Variants in PAPSS1 observed in about 807,000 individuals in gnomAD.
PAPSS1 encodes 3'-phosphoadenosine 5'-phosphosulfate synthase 1, also known as bifunctional 3'-phosphoadenosine 5'-phosphosulfate synthase 1.
A neutral mutation model predicts 72.0 loss-of-function variants in PAPSS1; 50 were observed. The observed-to-expected ratio is 0.69, with a 90% CI of 0.55 to 0.88. PAPSS1 has a LOEUF of 0.88. Among genes scored for constraint, PAPSS1 ranks in the 40% least tolerant of loss-of-function variants. The pLI is 0.00. For missense variants in PAPSS1, 657 were observed against 782.2 expected (o/e 0.84, Z 1.91); for synonymous variants, 261 against 263.6 (o/e 0.99, Z 0.09).
chr4:107,686,906 A>G (rs2110339324), intron 4 of PAPSS1, 133 bp downstream of exon 4: 1 of 828,198 alleles, frequency 1.2e-6, no homozygotes, highest in South Asian at 1.7e-5. Context: ...AGAACAGTGT[A>G]ATAAGACTAC....
chr4:107,675,357 C>G (rs543148662), intron 5 of PAPSS1, among the ~76,000 whole-genome samples: 1 of 152,096 alleles, frequency 6.6e-6, no homozygotes, highest in Non-Finnish European at 1.5e-5. Flanking sequence ...GGGGATATCA[C>G]CCCCGATCCC....
Position 107,720,195 on chromosome 4 carries a change from T to G in PAPSS1, c.-16A>C. The G allele has an allele frequency of 6.3e-7, 1 of 1,598,250 alleles. No homozygotes were observed. The highest frequency in any genetic ancestry group is 1.7e-4 in the Middle Eastern group (1 of 6,012). ...GGATCTCCATGACCGCGGAGCGCGC[T>G]GAGCAGCCGGGGTTCTCTGCGCCGG... is the stretch of plus-strand genomic sequence containing the variant. On this transcript the variant is annotated 5_prime_UTR_variant, in exon 1 of 12. Coordinates refer to ENST00000265174, the MANE Select transcript of PAPSS1 (RefSeq NM_005443.5).
At chr4:107,675,175 A>G (rs1465233065) in intron 5 of PAPSS1, among the ~76,000 whole-genome samples, 1 of 152,194 alleles carries the variant, frequency 6.6e-6, no homozygotes, top group African/African-American at 2.4e-5. Flanking sequence ...ACAAGAAATA[A>G]CTAAGATCAG....
chr4:107,713,048 G>A (rs1321412392), intron 1 of PAPSS1, among the ~76,000 whole-genome samples: 1 of 151,724 alleles, frequency 6.6e-6, no homozygotes, highest in African/African-American at 2.4e-5. Context: ...TCTGGTTCAA[G>A]CGATTCTCCT....
At chr4:107,629,609 G>A (rs1211455945) in intron 11 of PAPSS1, among the ~76,000 whole-genome samples, 2 of 152,150 alleles carry the variant, frequency 1.3e-5, no homozygotes, top group African/African-American at 4.8e-5. Flanking sequence ...AGAACTGAGG[G>A]AGGAGATCAA....
intron 5 of PAPSS1, among the ~76,000 whole-genome samples, chr4:107,666,581 T>C (rs1179005047): frequency 6.6e-6 from 1 of 152,192 alleles, no homozygotes; most frequent in Non-Finnish European, 1.5e-5. Flanking sequence ...AAAGTACCCA[T>C]GGTAACCAAA....
chr4:107,692,684 G>C (rs1009615019), intron 3 of PAPSS1, among the ~76,000 whole-genome samples: 5 of 152,100 alleles, frequency 3.3e-5, no homozygotes, highest in Non-Finnish European at 7.4e-5. Context: ...ATACATGCAT[G>C]AGTATGTTCA....
At position 107,631,954 on chromosome 4, in the gene PAPSS1, A is replaced by T. The variant is rs953666754; in HGVS notation, c.1507-94T>A. On this transcript the variant is annotated intron_variant, in intron 10 of 11. Transcript: ENST00000265174. ...AATAAATGCATATGCTTTTTATAAAATCATTATCGGTAGGAAATCTCAACA... is the reference window on the plus strand; with the variant it reads ...AATAAATGCATATGCTTTTTATAAATTCATTATCGGTAGGAAATCTCAACA... 3.9e-6 allele frequency: 3 copies of T among 767,430 alleles called. No individual in the cohort carries two copies. In the African/African-American group the frequency reaches 5.3e-5, roughly 13 times the overall value. The allele number at this position is 767,430 out of a possible 1,614,324, so 47.5% of individuals were successfully genotyped here.
At position 107,669,207 on chromosome 4, in the gene PAPSS1, T is replaced by C. The variant is rs1260866529; in HGVS notation, c.670-9135A>G. ...CACATTATAGCAAGTCACTTTGCAA[T>C]GAAGTACAGTGGGCAAATGCACAAC... On this transcript the variant is annotated intron_variant, in intron 5 of 11. Transcript: ENST00000265174. Among the ~76,000 whole-genome samples the C allele has an allele frequency of 3.9e-5, 6 of 152,214 alleles. No homozygotes were observed. In the East Asian group the frequency reaches 1.2e-3, roughly 29 times the overall value.
chr4:107,672,919 G>A (rs1213836341), intron 5 of PAPSS1, among the ~76,000 whole-genome samples: 1 of 152,190 alleles, frequency 6.6e-6, no homozygotes, highest in Non-Finnish European at 1.5e-5. Context: ...CCGCTGTTCT[G>A]CAGCCTCCGC....
At position 107,614,390 on chromosome 4, in the gene PAPSS1, A is replaced by G; in HGVS notation, c.1737-3T>C. On this transcript the variant is annotated splice_region_variant and splice_polypyrimidine_tract_variant and intron_variant, in intron 11 of 11. Coordinates refer to ENST00000265174, the MANE Select transcript of PAPSS1 (RefSeq NM_005443.5). ...AAATAAATTCAAAGTCTTCATGGCT[A>G]AAGGAGAGGAAAAAAAGAAAATTAT... 6.3e-7 allele frequency: 1 copy of G among 1,590,946 alleles called. No individual in the cohort carries two copies. The highest frequency in any genetic ancestry group is 8.5e-7 in the Non-Finnish European group (1 of 1,172,166).
chr4:107,626,071 G>A (rs943720971), intron 11 of PAPSS1, among the ~76,000 whole-genome samples: 8 of 151,484 alleles, frequency 5.3e-5, no homozygotes, highest in Middle Eastern at 3.2e-3. Context: ...CCAGCTACTC[G>A]AGAGGCTGAG....
intron 9 of PAPSS1, among the ~76,000 whole-genome samples, chr4:107,646,446 C>T (rs772566598): frequency 6.6e-6 from 1 of 151,128 alleles, no homozygotes; most frequent in Non-Finnish European, 1.5e-5. Context: ...AGAAGCAAAA[C>T]AAAAGCCCAT....
intron 5 of PAPSS1, among the ~76,000 whole-genome samples, chr4:107,678,313 C>T (rs371264405): frequency 2.0e-5 from 3 of 151,928 alleles, no homozygotes; most frequent in East Asian, 3.9e-4. Flanking sequence ...AAACGATACA[C>T]AACAGCAACA....
At chr4:107,687,940 C>T (rs1722828906) in intron 3 of PAPSS1, among the ~76,000 whole-genome samples, 1 of 150,724 alleles carries the variant, frequency 6.6e-6, no homozygotes, top group Admixed American at 6.6e-5. Flanking sequence ...TCCTCACCTA[C>T]TTCCACTCTC....
intron 11 of PAPSS1, among the ~76,000 whole-genome samples, chr4:107,622,376 C>T (rs1467540822): frequency 6.6e-6 from 1 of 152,160 alleles, no homozygotes; most frequent in Non-Finnish European, 1.5e-5. Context: ...ATAGGTATTG[C>T]TGGGTTTTAT....
rs577502138 is a variant in PAPSS1, at chr4:107,674,130, G to A, written c.669+7885C>T. On this transcript the variant is annotated intron_variant, in intron 5 of 11. Transcript: ENST00000265174. ...AAAGACCGAAACCGCATCAACTAATGAGCAAAATAACCAGCTAACATCATA... is the reference window on the plus strand; with the variant it reads ...AAAGACCGAAACCGCATCAACTAATAAGCAAAATAACCAGCTAACATCATA... Among the ~76,000 whole-genome samples, 46 of 152,204 alleles carry A rather than the reference G, an allele frequency of 3.0e-4. No homozygotes were observed. The South Asian group carries it at 9.4e-3, about 31-fold the overall frequency.
chr4:107,676,520 C>T (rs926594700), intron 5 of PAPSS1, among the ~76,000 whole-genome samples: 2 of 152,030 alleles, frequency 1.3e-5, no homozygotes, highest in Admixed American at 6.6e-5. Context: ...AACCACTGCT[C>T]AATGAAATAA....
chr4:107,703,816 T>C (rs933163930), intron 1 of PAPSS1, among the ~76,000 whole-genome samples: 1 of 152,202 alleles, frequency 6.6e-6, no homozygotes, highest in East Asian at 1.9e-4. Context: ...TTGCTCAAGA[T>C]TGCTTTGGTT....
Sources: gnomAD v4.1 joint callset for allele counts (sites outside exome capture counted in the v4.1 genomes callset) on GRCh38, gnomAD v4.1.1 for gene constraint, MANE v1.5 for transcripts, NCBI Gene and HGNC (gene_info 2026-07-23, HGNC 2026-07-21) for gene names.